LPP: variants seen among roughly 807,000 people sequenced by gnomAD.
The protein encoded by LPP is lipoma-preferred partner.
In LPP, 38 loss-of-function variants were observed where a neutral mutation model predicts 60.4. That is an observed-to-expected ratio of 0.63 (90% CI 0.49 to 0.83). The LOEUF is 0.83. LPP is among the 40% of genes least tolerant of loss of function. LPP has a pLI of 0.00. For missense variants in LPP, 902 were observed against 783.6 expected (o/e 1.15, Z -1.80); for synonymous variants, 328 against 290.8 (o/e 1.13, Z -1.30).
At chr3:188,224,804 T>C (rs764546924) in intron 1 of LPP, among the ~76,000 whole-genome samples, 1 of 152,130 alleles carries the variant, frequency 6.6e-6, no homozygotes, top group Non-Finnish European at 1.5e-5. Context: ...ACCAAGAGGA[T>C]GGTGCTAAAC....
intron 3 of LPP, among the ~76,000 whole-genome samples, chr3:188,354,873 G>T (rs886334143): frequency 6.6e-6 from 1 of 151,254 alleles, no homozygotes; most frequent in Non-Finnish European, 1.5e-5. Context: ...GGAAATAAAA[G>T]CATCACTTTG....
chr3:188,638,427 T>C (rs1351118091), intron 7 of LPP, among the ~76,000 whole-genome samples: 5 of 142,138 alleles, frequency 3.5e-5, no homozygotes, highest in African/African-American at 1.3e-4. Flanking sequence ...GGGCAAAAAC[T>C]GGAAGCATTC....
At chr3:188,842,778 A>C (rs1024944319) in intron 9 of LPP, among the ~76,000 whole-genome samples, 1 of 151,922 alleles carries the variant, frequency 6.6e-6, no homozygotes, top group Non-Finnish European at 1.5e-5. Flanking sequence ...CCTAATTTAC[A>C]TGCAATGAGA....
chr3:188,798,943 C>G (rs60259970), intron 9 of LPP, among the ~76,000 whole-genome samples: 1,813 of 152,340 alleles, frequency 0.012, 41 homozygotes, highest in African/African-American at 0.041. Context: ...CCACCCTCTT[C>G]ACTTAAAAGG....
At chr3:188,742,107 T>G (rs1724642941) in intron 8 of LPP, among the ~76,000 whole-genome samples, 1 of 152,202 alleles carries the variant, frequency 6.6e-6, no homozygotes, top group South Asian at 2.1e-4. Context: ...GTAAGGTACC[T>G]CCATACATTG....
chr3:188,782,668 C>T (rs892149318), intron 9 of LPP, among the ~76,000 whole-genome samples: 1 of 151,844 alleles, frequency 6.6e-6, no homozygotes, highest in African/African-American at 2.4e-5. Flanking sequence ...TTATACCCTC[C>T]TAGCAATATT....
chr3:188,432,354 G>A (rs1286672536), intron 4 of LPP, among the ~76,000 whole-genome samples: 1 of 152,138 alleles, frequency 6.6e-6, no homozygotes, highest in Non-Finnish European at 1.5e-5. Context: ...TACAGCGATA[G>A]CTATCAAAAG....
At chr3:188,183,318 G>A (rs1175237595) in intron 1 of LPP, among the ~76,000 whole-genome samples, 1 of 152,170 alleles carries the variant, frequency 6.6e-6, no homozygotes, top group Non-Finnish European at 1.5e-5. Flanking sequence ...ACATTGAAGA[G>A]CATCAATATC....
Position 188,563,728 on chromosome 3 carries a change from GT to G in LPP, c.429+38951del, listed in dbSNP as rs5855207. Among the ~76,000 whole-genome samples the G allele has an allele frequency of 1.5e-3, 217 of 145,178 alleles. 1 individual carries two copies. Among genetic ancestry groups the G allele is most frequent in the African/African-American group, 5.3e-3 (209 of 39,472 alleles). ...ATTGGAATTGCTTGTGTTTTTTTTT[GT>G]TTTTTTTTTGTTTTTTTGAGATTAT... On this transcript the variant is annotated intron_variant, in intron 6 of 11. Coordinates refer to ENST00000617246, the MANE Select transcript of LPP (RefSeq NM_001375462.1).
chr3:188,162,007 A>G (rs570455984), intron 1 of LPP, among the ~76,000 whole-genome samples: 3 of 152,072 alleles, frequency 2.0e-5, no homozygotes, highest in South Asian at 2.1e-4. Context: ...ACCATTCTCC[A>G]TTAATATTTA....
chr3:188,339,009 T>C (rs1377155807), intron 2 of LPP, among the ~76,000 whole-genome samples: 1 of 152,202 alleles, frequency 6.6e-6, no homozygotes, highest in Non-Finnish European at 1.5e-5. Flanking sequence ...TGCTTCTCTC[T>C]CTTTATTATC....
At chr3:188,227,664 C>T (rs1718320538) in intron 2 of LPP, among the ~76,000 whole-genome samples, 1 of 152,148 alleles carries the variant, frequency 6.6e-6, no homozygotes, top group South Asian at 2.1e-4. Context: ...TGTTTTTCTG[C>T]AGCACTTCTT....
chr3:188,572,722 T>A lies in LPP; in HGVS notation c.430-36439T>A, dbSNP rs1459797032. Reference sequence around the variant, plus strand: ...TGTAAATCCAAGTAAGAATTATTAGTTAGGATAGTTCAGGTAGTGCTGTAG... The same window carrying A: ...TGTAAATCCAAGTAAGAATTATTAGATAGGATAGTTCAGGTAGTGCTGTAG... On this transcript the variant is annotated intron_variant, in intron 6 of 11. Transcript: ENST00000617246. This position sits in a 1 kb window ranked among gnomAD's most constrained non-coding sequence, Gnocchi z 4.1. Among the ~76,000 whole-genome samples, 1 of 152,116 alleles carries A rather than the reference T, an allele frequency of 6.6e-6. No homozygotes were observed. Among genetic ancestry groups the A allele is most frequent in the East Asian group, 1.9e-4 (1 of 5,170 alleles).
intron 6 of LPP, among the ~76,000 whole-genome samples, chr3:188,525,282 T>A (rs576965034): frequency 1.3e-5 from 2 of 152,186 alleles, no homozygotes; most frequent in Non-Finnish European, 2.9e-5. Context: ...TCTTTCTTGA[T>A]CTTCTTAGAG....
At chr3:188,320,060 A>G (rs939139460) in intron 2 of LPP, among the ~76,000 whole-genome samples, 13 of 152,344 alleles carry the variant, frequency 8.5e-5, no homozygotes, top group Admixed American at 2.0e-4. Context: ...GATTTCTGGG[A>G]AGACCACCAC....
chr3:188,609,319 C>A lies in LPP; in HGVS notation c.588C>A (p.Ile196=). 4 of 1,614,102 alleles carry A rather than the reference C, an allele frequency of 2.5e-6. No homozygotes were observed. The highest frequency in any genetic ancestry group is 3.4e-6 in the Non-Finnish European group (4 of 1,180,020). ...CTGGACCCATCCCTGTGGCTCCAAT[C>A]GGAACACTCAAACCCCAGCCTCAGC... ...PQAGPIPVAP[I]GTLKPQPQPV... is the part of the protein sequence containing the mutation. The change falls in exon 7 of 12, where the codon ATC becomes ATA. Residue 196 remains isoleucine, a synonymous_variant. Transcript: ENST00000617246. The surrounding 1 kb of genome is among the most constrained non-coding windows in gnomAD (Gnocchi z 6.9).
At chr3:188,824,421 T>G (rs1754826571) in intron 9 of LPP, among the ~76,000 whole-genome samples, 1 of 152,192 alleles carries the variant, frequency 6.6e-6, no homozygotes, top group African/African-American at 2.4e-5. Flanking sequence ...ACATTTCAAA[T>G]GCTCAAGAAC....
In LPP at chr3:188,154,187, AGCCGCCGCCGCCGCCGCC is replaced by A; in HGVS notation, c.-245_-228del. ...CTCCTCTGCCTCTGCCTCCGCCTCC[AGCCGCCGCCGCCGCCGCC>A]GCCGCCGCCACCACCACCGCCGCTG... On this transcript the variant is annotated 5_prime_UTR_variant, in exon 1 of 12. Transcript: ENST00000617246. 3 of 211,974 alleles carry A rather than the reference AGCCGCCGCCGCCGCCGCC, an allele frequency of 1.4e-5. No homozygotes were observed. Among genetic ancestry groups the A allele is most frequent in the South Asian group, 6.6e-5 (1 of 15,122 alleles). 13.1% of individuals were successfully genotyped at this position (211,974 alleles called of 1,614,324 possible).
At chr3:188,563,534 T>C (rs1831298747) in intron 6 of LPP, among the ~76,000 whole-genome samples, 1 of 151,222 alleles carries the variant, frequency 6.6e-6, no homozygotes, top group Non-Finnish European at 1.5e-5. Context: ...TCTTTTCATG[T>C]CAGTAAAAAG....
Sources: gnomAD v4.1 joint callset for allele counts (sites outside exome capture counted in the v4.1 genomes callset) on GRCh38, gnomAD v4.1.1 for gene constraint, Gnocchi (gnomAD v3.1) non-coding constraint, MANE v1.5 for transcripts, NCBI Gene and HGNC (gene_info 2026-07-23, HGNC 2026-07-21) for gene names.